Variants in RBM25 observed in about 807,000 individuals in gnomAD.
RBM25 encodes the protein RNA binding motif protein 25.
Under a neutral mutation model 120.7 loss-of-function variants are expected in RBM25, and 19 were observed. That is an observed-to-expected ratio of 0.16 (90% CI 0.11 to 0.23). The LOEUF is 0.23. Among genes scored for constraint, RBM25 ranks in the 10% least tolerant of loss-of-function variants. RBM25 has a pLI of 1.00. For missense variants in RBM25, 605 were observed against 1,041.5 expected, an observed-to-expected ratio of 0.58 and a Z score of 5.77; for synonymous variants, 390 against 326.7, an observed-to-expected ratio of 1.19 and a Z score of -2.09.
intron 9 of RBM25, chr14:73,100,507 A>G: frequency 2.1e-6 from 1 of 470,168 alleles, no homozygotes. Flanking sequence ...TCTCAATGAC[A>G]GTGCATCTGT....
intron 6 of RBM25, among the ~76,000 whole-genome samples, chr14:73,095,999 A>T (rs1212663002): frequency 1.3e-5 from 2 of 152,280 alleles, no homozygotes; most frequent in East Asian, 1.9e-4. Context: ...TATTATTGAG[A>T]TGGAGTTTCG....
intron 4 of RBM25, among the ~76,000 whole-genome samples, chr14:73,079,786 T>C (rs1895515936): frequency 6.6e-6 from 1 of 150,716 alleles, no homozygotes; most frequent in African/African-American, 2.4e-5. Flanking sequence ...ATGTTTTGGG[T>C]TTCTCAGTTT....
At chr14:73,079,467 G>T (rs529192810) in intron 4 of RBM25, among the ~76,000 whole-genome samples, 2 of 150,630 alleles carry the variant, frequency 1.3e-5, no homozygotes, top group South Asian at 4.2e-4. Context: ...ATTCTGCACT[G>T]AGAGGATCTG....
At chr14:73,097,191 C>CTTTTTT (rs202085217) in intron 7 of RBM25, 91 bp downstream of exon 7, 163 of 375,506 alleles carry the variant, frequency 4.3e-4, no homozygotes, top group East Asian at 8.2e-4. Context: ...TTTCTTTTTT[C>CTTTTTT]TTTTCTTTTT....
intron 6 of RBM25, among the ~76,000 whole-genome samples, chr14:73,091,987 A>G (rs1374198868): frequency 1.3e-5 from 2 of 152,160 alleles, no homozygotes; most frequent in African/African-American, 4.8e-5. Flanking sequence ...TCCAACTGTT[A>G]TATGTGTATT....
At position 73,078,419 on chromosome 14, in the gene RBM25, A is replaced by G. The variant is rs560176801; in HGVS notation, c.324+883A>G. On this transcript the variant is annotated intron_variant, in intron 4 of 18. Transcript: ENST00000261973. ...GGTGGGAGAATTGCTTGAGTCTAGG[A>G]GTTGAAGGCTGCAGTGAGCTATGAT... Among the ~76,000 whole-genome samples, 16 of 152,258 alleles carry G rather than the reference A, an allele frequency of 1.1e-4. No individual in the cohort carries two copies. In the South Asian group the frequency reaches 3.3e-3, roughly 32 times the overall value.
At chr14:73,064,318 CTT>C (rs1895075455) in intron 1 of RBM25, among the ~76,000 whole-genome samples, 2 of 151,464 alleles carry the variant, frequency 1.3e-5, no homozygotes, top group African/African-American at 2.4e-5. Context: ...AGTTGGTAAT[CTT>C]TTAGGCTGCT....
chr14:73,089,076 G>T (rs1436885926), intron 6 of RBM25, among the ~76,000 whole-genome samples: 2 of 152,142 alleles, frequency 1.3e-5, no homozygotes, highest in East Asian at 3.8e-4. Context: ...CAGAGGCGGA[G>T]GTTGCAGTGA....
intron 1 of RBM25, among the ~76,000 whole-genome samples, chr14:73,066,994 T>C (rs80237150): frequency 0.017 from 2,588 of 152,252 alleles, 52 homozygotes; most frequent in East Asian, 0.049. Context: ...ATACCCATAT[T>C]CTGGTGGTGG....
At chr14:73,117,677 G>C (rs908430448) in intron 18 of RBM25, among the ~76,000 whole-genome samples, 2 of 152,222 alleles carry the variant, frequency 1.3e-5, no homozygotes, top group African/African-American at 4.8e-5. Context: ...AGGGAACTGA[G>C]GCTCAGGTTA....
chr14:73,077,610 C>A, intron 4 of RBM25, 74 bp downstream of exon 4: 1 of 1,327,052 alleles, frequency 7.5e-7, no homozygotes, highest in Non-Finnish European at 1.0e-6. Context: ...AGAAAGAAGA[C>A]TTTCAGTGAT....
intron 10 of RBM25, among the ~76,000 whole-genome samples, chr14:73,103,976 ACACACACACACACACACACT>A (rs1896121875): frequency 6.9e-6 from 1 of 144,754 alleles, no homozygotes; most frequent in East Asian, 2.0e-4. Context: ...ACACACACAC[ACACACACACACACACACACT>A]CTCTCTCTCT....
chr14:73,084,500 G>C (rs577140825), intron 5 of RBM25, among the ~76,000 whole-genome samples: 1 of 152,248 alleles, frequency 6.6e-6, no homozygotes, highest in South Asian at 2.1e-4. Flanking sequence ...TTTCTGTAAA[G>C]TGGTCAGTAG....
rs139120112 is a variant in RBM25, at chr14:73,111,670, T to C, written c.2160T>C (p.Asp720=). ...RKLVPLDYGE[D]DKNATKGTVN... ...TGGTTCCCTTGGATTATGGTGAAGA[T>C]GATAAAAATGCAACCAAAGGCACTG... is the stretch of plus-strand genomic sequence containing the variant. Residue 720 remains aspartate, a synonymous_variant, in exon 16 of 19, where the codon GAT becomes GAC. Transcript: ENST00000261973. The C allele has an allele frequency of 3.1e-4, 508 of 1,614,144 alleles. 5 individuals are homozygous for C. The African/African-American group carries it at 5.8e-3, about 19-fold the overall frequency.
chr14:73,073,347 C>T (rs1895338473), intron 2 of RBM25, among the ~76,000 whole-genome samples: 1 of 152,068 alleles, frequency 6.6e-6, no homozygotes, highest in Non-Finnish European at 1.5e-5. Flanking sequence ...ATGGGAATTT[C>T]TGTGGAATAT....
chr14:73,107,905 G>A lies in RBM25; in HGVS notation c.1541+6G>A, dbSNP rs1244298074. ...GATGACCCCAAATATTACAGGTAAA[G>A]AAGGCTTGTTCTGTGGATTCATACT... On this transcript the variant is annotated splice_donor_region_variant and intron_variant, in intron 13 of 18. Transcript: ENST00000261973. 3.8e-6 allele frequency: 6 copies of A among 1,572,338 alleles called. No homozygotes were observed. Among genetic ancestry groups the A allele is most frequent in the Non-Finnish European group, 5.2e-6 (6 of 1,149,532 alleles).
At chr14:73,082,185 T>C (rs983604738) in intron 4 of RBM25, among the ~76,000 whole-genome samples, 2 of 152,222 alleles carry the variant, frequency 1.3e-5, no homozygotes, top group African/African-American at 4.8e-5. Flanking sequence ...CATTGAAATA[T>C]TTATTTTTAA....
chr14:73,070,211 C>T (rs1010281568), intron 1 of RBM25, among the ~76,000 whole-genome samples: 1 of 151,916 alleles, frequency 6.6e-6, no homozygotes, highest in African/African-American at 2.4e-5. Flanking sequence ...CCATACCCTG[C>T]TAATTTTTTT....
At chr14:73,116,365 C>T (rs1345747411) in intron 18 of RBM25, among the ~76,000 whole-genome samples, 2 of 152,110 alleles carry the variant, frequency 1.3e-5, no homozygotes, top group Non-Finnish European at 2.9e-5. Flanking sequence ...GAACTGCCAC[C>T]AGAGATGTCA....
Sources: allele counts gnomAD v4.1 joint callset (sites outside exome capture counted in the v4.1 genomes callset), GRCh38; gene constraint gnomAD v4.1.1; transcripts MANE v1.5; gene names NCBI Gene and HGNC (gene_info 2026-07-23, HGNC 2026-07-21).